ZNF736: variants seen among roughly 807,000 people sequenced by gnomAD.
The protein encoded by ZNF736 is zinc finger protein 736.
ZNF736 carries 6 observed loss-of-function variants against 11.7 expected under a neutral mutation model. The observed-to-expected ratio is 0.51, with a 90% CI of 0.28 to 1.01. The LOEUF is 1.01. Ranked by LOEUF, ZNF736 falls within the 50% of genes least tolerant of loss-of-function variation. The pLI is 0.09. For synonymous variants in ZNF736, 139 were observed against 164.7 expected (o/e 0.84, Z 1.19); for missense variants, 444 against 496.0 (o/e 0.90, Z 1.00).
In ZNF736 at chr7:64,314,021, G is replaced by T; in HGVS notation, c.-130G>T. 7.7e-7 allele frequency: 1 copy of T among 1,293,148 alleles called. No homozygotes were observed. Among genetic ancestry groups the T allele is most frequent in the African/African-American group, 1.5e-5 (1 of 68,142 alleles). The allele number at this position is 1,293,148 out of a possible 1,614,324, so 80.1% of individuals were successfully genotyped here. A position where few individuals can be genotyped will look rare whatever the true frequency, so the allele number is the denominator to read the frequency against. On this transcript the variant is annotated 5_prime_UTR_variant, in exon 1 of 4. Transcript: ENST00000423484. ...AGCTTCCGGGCTCTGATCCTAGTTC[G>T]CGTCTCCACTGTTCCATCTCCTCCG...
intron 3 of ZNF736, among the ~76,000 whole-genome samples, chr7:64,339,177 A>G (rs1306527366): frequency 1.3e-5 from 2 of 152,048 alleles, no homozygotes. Context: ...TATTACTATT[A>G]TAGTTGTTGC....
chr7:64,348,966 C>A lies in ZNF736; in HGVS notation c.1103C>A (p.Pro368His). 1 of 1,590,762 alleles carries A rather than the reference C, an allele frequency of 6.3e-7. No homozygotes were observed. The change falls in exon 4 of 4, where the codon CCT (proline) becomes CAT (histidine). Residue 368 changes from proline to histidine, a missense_variant. Coordinates refer to ENST00000423484, the MANE Select transcript of ZNF736 (RefSeq NM_001170905.3). ...AAGAGAATTCATATGGAAGAGAGAC[C>A]TTACAAATGTGAAGAATGCAGCAAA... ...NHKRIHMEER[P>H]YKCEECSKTF... is the part of the protein sequence containing the mutation.
intron 1 of ZNF736, among the ~76,000 whole-genome samples, chr7:64,317,971 A>G (rs1411711282): frequency 1.3e-5 from 2 of 151,966 alleles, no homozygotes; most frequent in Non-Finnish European, 2.9e-5. Context: ...CTGTGTATGT[A>G]AAGTTGTTTC....
intron 1 of ZNF736, among the ~76,000 whole-genome samples, chr7:64,318,360 G>A (rs1262158916): frequency 5.9e-5 from 9 of 152,012 alleles, no homozygotes; most frequent in South Asian, 2.1e-4. Flanking sequence ...AAAGATTTGA[G>A]AAACTATTTA....
rs369871240 is a variant in ZNF736 at position 64,326,466 on chromosome 7, A to G, written c.4-9793A>G. The stretch of plus-strand genomic sequence containing the variant: ...AAACACCATGGGACCCTGAATCCCA[A>G]ATCTTTAGCCAATGGGCTAATGTTT... On this transcript the variant is annotated intron_variant, in intron 1 of 3. Coordinates refer to ENST00000423484, the MANE Select transcript of ZNF736 (RefSeq NM_001170905.3). 9.8e-5 allele frequency among the ~76,000 whole-genome samples: 15 copies of G among 152,380 alleles called. No homozygotes were observed. The East Asian group carries it at 2.1e-3, about 22-fold the overall frequency.
intron 1 of ZNF736, among the ~76,000 whole-genome samples, chr7:64,330,822 G>A (rs566288643): frequency 6.6e-6 from 1 of 151,180 alleles, no homozygotes; most frequent in South Asian, 2.1e-4. Flanking sequence ...TTCTGGCCCA[G>A]GGTATGTCTA....
rs542955871 is a variant in ZNF736, at chr7:64,348,614, C to A, written c.751C>A (p.His251Asn). 547 of 1,602,774 alleles carry A rather than the reference C, an allele frequency of 3.4e-4. No homozygotes were observed. The highest frequency in any genetic ancestry group is 4.5e-4 in the Non-Finnish European group (524 of 1,174,542). The stretch of plus-strand genomic sequence containing the variant: ...AACCCTTGTTAAACACAAGAGAAAT[C>A]ATACTGGAGACAGACCCTACAAATG... ...SSTLVKHKRN[H>N]TGDRPYKCEE... Residue 251 changes from histidine (H) to asparagine (N), a missense_variant, in exon 4 of 4, where the codon CAT (histidine) becomes AAT (asparagine). By Grantham distance (68) the His-to-Asn change is moderately conservative. Coordinates refer to ENST00000423484, the MANE Select transcript of ZNF736 (RefSeq NM_001170905.3).
In ZNF736 at chr7:64,356,546, T is replaced by C. The variant is rs1789555649; in HGVS notation, c.*7399T>C. ...ATTGAGGATAATATGTAAAATAATTTATACAAGTAATATAAACTAAGTTTA... is the reference window on the plus strand; with the variant it reads ...ATTGAGGATAATATGTAAAATAATTCATACAAGTAATATAAACTAAGTTTA... On this transcript the variant is annotated 3_prime_UTR_variant, in exon 4 of 4. Coordinates refer to ENST00000423484, the MANE Select transcript of ZNF736 (RefSeq NM_001170905.3). 6.6e-6 allele frequency among the ~76,000 whole-genome samples: 1 copy of C among 152,164 alleles called. No homozygotes were observed. The highest frequency in any genetic ancestry group is 2.1e-4 in the South Asian group (1 of 4,836).
In ZNF736 at chr7:64,325,843, C is replaced by T. The variant is rs149881711; in HGVS notation, c.4-10416C>T. Among the ~76,000 whole-genome samples, 124 of 152,206 alleles carry T rather than the reference C, an allele frequency of 8.1e-4. 2 individuals carry two copies. In the East Asian group the frequency reaches 0.022, roughly 28 times the overall value. On this transcript the variant is annotated intron_variant, in intron 1 of 3. Coordinates refer to ENST00000423484, the MANE Select transcript of ZNF736 (RefSeq NM_001170905.3). The stretch of plus-strand genomic sequence containing the variant: ...AAATGTAAATGGATTACCTTTCTGT[C>T]CTACAGTAGGTAACTTCATAAAATA...
chr7:64,319,510 T>C (rs1584264425), intron 1 of ZNF736, among the ~76,000 whole-genome samples: 1 of 132,158 alleles, frequency 7.6e-6, no homozygotes, highest in East Asian at 2.1e-4. Flanking sequence ...TTTTTTTTTT[T>C]TTTGAGACAG....
chr7:64,329,648 TG>T (rs201322735), intron 1 of ZNF736, among the ~76,000 whole-genome samples: 11,184 of 150,496 alleles, frequency 0.074, 506 homozygotes, highest in East Asian at 0.26. Flanking sequence ...TACCTGGAGC[TG>T]GAGTGGGTGT....
rs376798267 is a variant in ZNF736 at position 64,319,270 on chromosome 7, A to G, written c.3+5117A>G. 5.4e-5 allele frequency among the ~76,000 whole-genome samples: 8 copies of G among 146,874 alleles called. No individual in the cohort carries two copies. The East Asian group carries it at 1.0e-3, about 19-fold the overall frequency. Reference sequence around the variant, plus strand: ...TATGTATATGTATGTGTGTGTGTGTATATATAAAATATGTGTATGTATGTA... The same window carrying G: ...TATGTATATGTATGTGTGTGTGTGTGTATATAAAATATGTGTATGTATGTA... On this transcript the variant is annotated intron_variant, in intron 1 of 3. Coordinates refer to ENST00000423484, the MANE Select transcript of ZNF736 (RefSeq NM_001170905.3).
intron 1 of ZNF736, among the ~76,000 whole-genome samples, chr7:64,324,098 T>A (rs1386767886): frequency 6.6e-6 from 1 of 152,228 alleles, no homozygotes; most frequent in African/African-American, 2.4e-5. Context: ...CATATCCATT[T>A]TTGCTGATTT....
At chr7:64,334,738 A>G (rs1789220864) in intron 1 of ZNF736, among the ~76,000 whole-genome samples, 1 of 152,208 alleles carries the variant, frequency 6.6e-6, no homozygotes, top group African/African-American at 2.4e-5. Flanking sequence ...TGATTCCTCA[A>G]GGATCTAGAA....
intron 1 of ZNF736, among the ~76,000 whole-genome samples, chr7:64,320,103 CACAA>C (rs1418518029): frequency 6.6e-6 from 1 of 152,158 alleles, no homozygotes. Flanking sequence ...TAAAAACCAA[CACAA>C]ACATTCATGA....
intron 1 of ZNF736, among the ~76,000 whole-genome samples, chr7:64,316,872 A>T (rs529697520): frequency 1.3e-5 from 2 of 152,188 alleles, no homozygotes; most frequent in South Asian, 4.1e-4. Context: ...CGTCTGTTCT[A>T]TTTAGCATGA....
chr7:64,337,888 G>T (rs1157517238), intron 3 of ZNF736, among the ~76,000 whole-genome samples: 1 of 151,716 alleles, frequency 6.6e-6, no homozygotes, highest in Non-Finnish European at 1.5e-5. Flanking sequence ...CCTAGTAGCT[G>T]GGATTACAGG....
At chr7:64,340,963 A>G (rs1789328473) in intron 3 of ZNF736, among the ~76,000 whole-genome samples, 1 of 152,190 alleles carries the variant, frequency 6.6e-6, no homozygotes, top group Admixed American at 6.5e-5. Flanking sequence ...GACTCCTTTC[A>G]TGAATACATT....
In ZNF736 at chr7:64,352,366, G is replaced by C. The variant is rs1789499296; in HGVS notation, c.*3219G>C. On this transcript the variant is annotated 3_prime_UTR_variant, in exon 4 of 4. Coordinates refer to ENST00000423484, the MANE Select transcript of ZNF736 (RefSeq NM_001170905.3). ...CTGTAGGAGGTAGCTGGAAGCCCCT[G>C]TTGAAGGTCCTACCCAGTGAGGAAA... is the stretch of plus-strand genomic sequence containing the variant. The C allele has an allele frequency of 6.6e-6, 1 of 152,246 alleles. No homozygotes were observed. Among genetic ancestry groups the C allele is most frequent in the African/African-American group, 2.4e-5 (1 of 41,450 alleles). 9.4% of individuals were successfully genotyped at this position (152,246 alleles called of 1,614,324 possible).
Sources: gnomAD v4.1 joint callset for allele counts (sites outside exome capture counted in the v4.1 genomes callset) on GRCh38, gnomAD v4.1.1 for gene constraint, MANE v1.5 for transcripts, NCBI Gene and HGNC (gene_info 2026-07-23, HGNC 2026-07-21) for gene names.